NEGR1: variants seen among roughly 807,000 people sequenced by gnomAD.
NEGR1 encodes the protein IgLON family member 4.
NEGR1 carries 10 observed loss-of-function variants against 40.9 expected under a neutral mutation model. The ratio of observed to expected loss-of-function variants is 0.24; its 90% CI spans 0.15 to 0.42. The LOEUF is 0.42. Among genes scored for constraint, NEGR1 ranks in the 10% least tolerant of loss-of-function variants. The pLI is 1.00. For missense variants in NEGR1, 352 were observed against 438.9 expected (o/e 0.80, Z 1.77); for synonymous variants, 185 against 166.8 (o/e 1.11, Z -0.84).
At chr1:71,684,876 C>G (rs953706683) in intron 4 of NEGR1, among the ~76,000 whole-genome samples, 2 of 152,176 alleles carry the variant, frequency 1.3e-5, no homozygotes, top group African/African-American at 4.8e-5. Flanking sequence ...AGGCTTTGTA[C>G]TGTGTTCTCT....
intron 1 of NEGR1, among the ~76,000 whole-genome samples, chr1:72,064,428 T>C (rs1438307771): frequency 2.0e-5 from 3 of 152,022 alleles, no homozygotes; most frequent in Non-Finnish European, 4.4e-5. Context: ...CAAGATAAAT[T>C]CTGACTGAAC....
At chr1:71,894,203 C>A (rs1660895559) in intron 2 of NEGR1, among the ~76,000 whole-genome samples, 1 of 142,486 alleles carries the variant, frequency 7.0e-6, no homozygotes, top group Admixed American at 7.0e-5. Flanking sequence ...GCACATGTAC[C>A]CTAAAACTTA....
intron 4 of NEGR1, among the ~76,000 whole-genome samples, chr1:71,616,182 G>A (rs776457607): frequency 6.6e-6 from 1 of 152,114 alleles, no homozygotes; most frequent in African/African-American, 2.4e-5. Context: ...GTTAGGAACC[G>A]GGCCTGTTAG....
intron 2 of NEGR1, among the ~76,000 whole-genome samples, chr1:71,926,750 T>A (rs1645777788): frequency 6.6e-6 from 1 of 152,076 alleles, no homozygotes; most frequent in Non-Finnish European, 1.5e-5. Context: ...TCCCTTTGTG[T>A]AGAGTAAGAA....
intron 4 of NEGR1, among the ~76,000 whole-genome samples, chr1:71,654,798 G>A (rs568050611): frequency 2.0e-5 from 3 of 152,232 alleles, no homozygotes; most frequent in Admixed American, 2.0e-4. Flanking sequence ...GACATTATGG[G>A]TTGCTAGTTT....
chr1:71,593,678 A>T (rs2101522557), intron 5 of NEGR1, among the ~76,000 whole-genome samples: 1 of 152,264 alleles, frequency 6.6e-6, no homozygotes, highest in East Asian at 1.9e-4. Flanking sequence ...TGGATTTACC[A>T]CCAGAGGCCC....
chr1:71,928,023 TAA>T (rs1491370582), intron 2 of NEGR1, among the ~76,000 whole-genome samples: 9 of 90,312 alleles, frequency 1.0e-4, no homozygotes, highest in East Asian at 4.6e-4. Flanking sequence ...AATAAATAAA[TAA>T]ATACACACAC....
chr1:72,015,198 A>C lies in NEGR1; in HGVS notation c.177-79887T>G, dbSNP rs1646698260. Among the ~76,000 whole-genome samples, 3 of 152,142 alleles carry C rather than the reference A, an allele frequency of 2.0e-5. No homozygotes were observed. The South Asian group carries it at 6.2e-4, about 32-fold the overall frequency. On this transcript the variant is annotated intron_variant, in intron 1 of 6. Transcript: ENST00000357731. ...AAAGTGTCCCTGAATTTGTCATATA[A>C]GCATATTTCTTAGAAGAAACATACT...
At chr1:71,580,171 A>G (rs938740621) in intron 6 of NEGR1, among the ~76,000 whole-genome samples, 6 of 152,056 alleles carry the variant, frequency 3.9e-5, no homozygotes, top group East Asian at 1.9e-4. Context: ...CATGGATGAA[A>G]TTGGAAATCA....
At position 71,975,995 on chromosome 1, in the gene NEGR1, T is replaced by C. The variant is rs1016038369; in HGVS notation, c.177-40684A>G. 2.6e-5 allele frequency among the ~76,000 whole-genome samples: 4 copies of C among 152,238 alleles called. No homozygotes were observed. The East Asian group carries it at 5.8e-4, about 22-fold the overall frequency. On this transcript the variant is annotated intron_variant, in intron 1 of 6. Transcript: ENST00000357731. ...TTTAGACTGTGTTGTGTGGTTATCATCAAGCCCAATGCTTCACATTTCATA... is the reference window on the plus strand; with the variant it reads ...TTTAGACTGTGTTGTGTGGTTATCACCAAGCCCAATGCTTCACATTTCATA...
intron 6 of NEGR1, among the ~76,000 whole-genome samples, chr1:71,567,461 G>A (rs944654035): frequency 5.9e-5 from 9 of 152,006 alleles, no homozygotes; most frequent in African/African-American, 1.9e-4. Context: ...AATAGCCTAT[G>A]CTTATTTTGA....
intron 4 of NEGR1, among the ~76,000 whole-genome samples, chr1:71,613,831 T>C (rs1010387825): frequency 6.6e-6 from 1 of 152,158 alleles, no homozygotes; most frequent in Non-Finnish European, 1.5e-5. Context: ...ACTAGTTCAT[T>C]CAGAAATATG....
intron 1 of NEGR1, among the ~76,000 whole-genome samples, chr1:72,039,178 C>G (rs143820636): frequency 3.3e-5 from 5 of 151,810 alleles, no homozygotes; most frequent in Non-Finnish European, 7.4e-5. Context: ...TATAGTTCAA[C>G]GTGTATTAAG....
At chr1:72,154,009 A>T (rs1180991442) in intron 1 of NEGR1, among the ~76,000 whole-genome samples, 1 of 151,820 alleles carries the variant, frequency 6.6e-6, no homozygotes, top group African/African-American at 2.4e-5. Context: ...GTCATCTTAT[A>T]AAAAAATTGA....
intron 1 of NEGR1, among the ~76,000 whole-genome samples, chr1:72,225,364 T>G (rs1478208905): frequency 6.6e-6 from 1 of 151,990 alleles, no homozygotes; most frequent in East Asian, 1.9e-4. Context: ...ATAAAGTTAG[T>G]TATTGTCAAA....
chr1:71,975,319 C>T (rs910133495), intron 1 of NEGR1, among the ~76,000 whole-genome samples: 3 of 152,064 alleles, frequency 2.0e-5, no homozygotes, highest in Non-Finnish European at 4.4e-5. Context: ...ATTTATTTCC[C>T]CATCTTTTAC....
intron 6 of NEGR1, among the ~76,000 whole-genome samples, chr1:71,535,872 T>A (rs572885382): frequency 1.3e-5 from 2 of 151,834 alleles, no homozygotes; most frequent in African/African-American, 4.8e-5. Flanking sequence ...AGTTAATGAA[T>A]CTCTCCAACC....
At chr1:71,705,476 T>C (rs996225453) in intron 3 of NEGR1, among the ~76,000 whole-genome samples, 7 of 152,210 alleles carry the variant, frequency 4.6e-5, no homozygotes, top group African/African-American at 1.2e-4. Context: ...GAAGGAAACA[T>C]TTTTAAACCA....
chr1:71,688,681 T>G (rs1245179590), intron 4 of NEGR1, among the ~76,000 whole-genome samples: 1 of 151,884 alleles, frequency 6.6e-6, no homozygotes, highest in African/African-American at 2.4e-5. Context: ...GGTCTCGAAC[T>G]CCTAACCTGA....
Sources: allele counts gnomAD v4.1 joint callset (sites outside exome capture counted in the v4.1 genomes callset), GRCh38; gene constraint gnomAD v4.1.1; transcripts MANE v1.5; gene names NCBI Gene and HGNC (gene_info 2026-07-23, HGNC 2026-07-21).